Variants in NSUN2 observed in about 807,000 individuals in gnomAD.
NSUN2 encodes NOP2/Sun RNA methyltransferase 2.
In NSUN2, 63 loss-of-function variants were observed where a neutral mutation model predicts 92.7. That is an observed-to-expected ratio of 0.68 (90% CI 0.56 to 0.84). The LOEUF (loss-of-function observed/expected upper bound fraction) is 0.84, where lower values mean the gene tolerates loss of function less well. NSUN2 is among the 40% of genes least tolerant of loss of function. The pLI is 0.00. For missense variants in NSUN2, 989 were observed against 964.9 expected (o/e 1.02, Z -0.33); for synonymous variants, 356 against 348.3 (o/e 1.02, Z -0.25).
Position 6,623,281 on chromosome 5 carries a change from T to C in NSUN2, c.470A>G (p.Asn157Ser). 1 of 1,585,494 alleles carries C rather than the reference T, an allele frequency of 6.3e-7. No homozygotes were observed. The change falls in exon 5 of 19, where the codon AAT becomes AGT. Residue 157 changes from asparagine (N) to serine (S), a missense_variant. Around this residue, in one of 3 missense-constraint regions of NSUN2, gnomAD observed 356 missense variants for 338.6 expected, o/e 1.05. Coordinates refer to ENST00000264670, the MANE Select transcript of NSUN2 (RefSeq NM_017755.6). The part of the protein sequence containing the change: ...QFLVSETESG[N>S]ISRQEAVSMI... ...GCTAACAGCTTCTTGACGACTAATA[T>C]TTCCCTTGAGGAAAAAAAAAAAATC...
chr5:6,606,026 T>C (rs1429453296), intron 14 of NSUN2, among the ~76,000 whole-genome samples: 1 of 152,178 alleles, frequency 6.6e-6, no homozygotes, highest in African/African-American at 2.4e-5. Flanking sequence ...GGACCAGTTA[T>C]TAAAAAAGAC....
Position 6,620,187 on chromosome 5 carries a change from C to A in NSUN2, c.734G>T (p.Ser245Ile). The change falls in exon 7 of 19, where the codon AGC (serine) becomes ATC (isoleucine). Residue 245 changes from serine to isoleucine, a missense_variant. Coordinates refer to ENST00000264670, the MANE Select transcript of NSUN2 (RefSeq NM_017755.6). ...CACATCTATCTGGAGCCTGGGTATG[C>A]TGGAGGCATCATGGTTGACCACCAT... ...CIMVVNHDAS[S>I]IPRLQIDVDG... 1 of 1,613,056 alleles carries A rather than the reference C, an allele frequency of 6.2e-7. No individual in the cohort carries two copies. The highest frequency in any genetic ancestry group is 1.1e-5 in the South Asian group (1 of 90,818).
Position 6,632,697 on chromosome 5 carries a change from G to A in NSUN2, c.156C>T (p.Tyr52=), listed in dbSNP as rs1176520811. 2 of 1,614,030 alleles carry A rather than the reference G, an allele frequency of 1.2e-6. No individual in the cohort carries two copies. Among genetic ancestry groups the A allele is most frequent in the African/African-American group, 1.3e-5 (1 of 74,926 alleles). Residue 52 remains tyrosine (Y), a synonymous_variant, in exon 2 of 19, where the codon TAC becomes TAT. Transcript: ENST00000264670. ...CCTCGGGCACGATCTTGAGCTCCTG[G>A]TAGTAGTGCTCGAACAGCTTGTTCT... ...VKENKLFEHY[Y]QELKIVPEGE...
At chr5:6,604,326 AACG>A in intron 16 of NSUN2, 50 bp from the exon 17 acceptor site, 3 of 1,495,774 alleles carry the variant, frequency 2.0e-6, no homozygotes, top group South Asian at 1.2e-5. Flanking sequence ...GTCATTCATG[AACG>A]ACAACAGCCT....
chr5:6,611,083 T>C lies in NSUN2; in HGVS notation c.1098A>G (p.Val366=). The C allele has an allele frequency of 6.2e-7, 1 of 1,614,148 alleles. No individual in the cohort carries two copies. Among genetic ancestry groups the C allele is most frequent in the African/African-American group, 1.3e-5 (1 of 75,042 alleles). Residue 366 remains valine, a splice_region_variant and synonymous_variant, in exon 11 of 19, where the codon GTA becomes GTG. Coordinates refer to ENST00000264670, the MANE Select transcript of NSUN2 (RefSeq NM_017755.6). ...KWMPGITQWK[V]MTKDGQWFTD... ...TAAACCACTGCCCATCTTTCGTCAT[T>C]ACCTGCAGAACCACAGGGTACATTC...
At chr5:6,620,755 C>T (rs892107137) in intron 6 of NSUN2, 3 of 152,828 alleles carry the variant, frequency 2.0e-5, no homozygotes, top group African/African-American at 7.2e-5. Flanking sequence ...CCGGGAGGCT[C>T]TGCAGGCTGG....
At chr5:6,615,770 A>G (rs892368848) in intron 9 of NSUN2, among the ~76,000 whole-genome samples, 4 of 152,234 alleles carry the variant, frequency 2.6e-5, no homozygotes, top group Non-Finnish European at 5.9e-5. Flanking sequence ...TGCAGGAAAC[A>G]TGCTAAGTTT....
Position 6,631,967 on chromosome 5 carries a change from C to G in NSUN2, c.265G>C (p.Glu89Gln), listed in dbSNP as rs1161445921. The change falls in exon 3 of 19, where the codon GAG becomes CAG. Residue 89 changes from glutamate to glutamine, a missense_variant. Around this residue, in one of 3 missense-constraint regions of NSUN2, gnomAD observed 356 missense variants for 338.6 expected, o/e 1.05. Transcript: ENST00000264670. ...RITGYKSHAK[E>Q]ILHCLKNKYF... is the part of the protein sequence containing the mutation. The stretch of plus-strand genomic sequence containing the variant: ...TTGTTCTTTAAGCAATGGAGAATCT[C>G]TTTTGCGTGGCTATTGAAAAATAAG... 1.2e-6 allele frequency: 2 copies of G among 1,611,578 alleles called. No homozygotes were observed. Among genetic ancestry groups the G allele is most frequent in the Middle Eastern group, 1.7e-4 (1 of 6,054 alleles).
At position 6,617,978 on chromosome 5, in the gene NSUN2, T is replaced by C. The variant is rs373798103; in HGVS notation, c.862A>G (p.Thr288Ala). 3.7e-5 allele frequency: 59 copies of C among 1,613,720 alleles called. 1 individual carries two copies. Among genetic ancestry groups the C allele is most frequent in the Non-Finnish European group, 5.1e-6 (6 of 1,179,810 alleles). The change falls in exon 8 of 19, where the codon ACC (threonine) becomes GCC (alanine). Residue 288 changes from threonine (T) to alanine (A), a missense_variant. Transcript: ENST00000264670. ...TGTAGCTGCAAGCTATTTAAGGTGG[T>C]CCACTTTTTCCAAACATCAATGTTT... is the stretch of plus-strand genomic sequence containing the variant. ...RKNIDVWKKW[T>A]TLNSLQLHGL...
In NSUN2 at chr5:6,623,225, G is replaced by A. The variant is rs556024903; in HGVS notation, c.526C>T (p.Pro176Ser). The A allele has an allele frequency of 6.2e-7, 1 of 1,607,068 alleles. No homozygotes were observed. Among genetic ancestry groups the A allele is most frequent in the African/African-American group, 1.3e-5 (1 of 74,142 alleles). The change falls in exon 5 of 19, where the codon CCT (proline) becomes TCT (serine). Residue 176 changes from proline to serine, a missense_variant. Physicochemically the swap from Pro to Ser is moderately conservative, Grantham distance 74 (BLOSUM62 -1). Transcript: ENST00000264670. ...MIPPLLLNVR[P>S]HHKILDMCAA... ...TTGCTATATGCTACCTTATGATGAG[G>A]CCGCACGTTGAGGAGCAGTGGTGGG...
At chr5:6,609,279 G>C (rs1736897223) in intron 12 of NSUN2, among the ~76,000 whole-genome samples, 1 of 152,210 alleles carries the variant, frequency 6.6e-6, no homozygotes. Flanking sequence ...CTGCGTGTTA[G>C]GATGAGGGCA....
intron 14 of NSUN2, among the ~76,000 whole-genome samples, chr5:6,606,408 A>C (rs1424647721): frequency 6.6e-6 from 1 of 152,124 alleles, no homozygotes. Context: ...CTCAGCCTCC[A>C]GAGTAGCTGG....
intron 6 of NSUN2, 86 bp from the exon 7 acceptor site, chr5:6,620,384 G>A (rs576705886): frequency 6.8e-6 from 7 of 1,022,304 alleles, no homozygotes; most frequent in East Asian, 5.5e-5. Context: ...AGGTCAGCCA[G>A]TGAGAAGCAG....
At chr5:6,632,201 T>C (rs888612853) in intron 2 of NSUN2, among the ~76,000 whole-genome samples, 2 of 119,884 alleles carry the variant, frequency 1.7e-5, no homozygotes, top group African/African-American at 7.3e-5. Flanking sequence ...CCTAAGCATA[T>C]CCTACCGTTA....
intron 13 of NSUN2, 69 bp downstream of exon 13, chr5:6,607,131 A>T: frequency 6.6e-7 from 1 of 1,508,416 alleles, no homozygotes. Context: ...TGGCTCTGGG[A>T]TCCCATTTAA....
intron 15 of NSUN2, 36 bp downstream of exon 15, chr5:6,605,237 G>C (rs753431740): frequency 6.2e-7 from 1 of 1,609,562 alleles, no homozygotes; most frequent in East Asian, 2.2e-5. Context: ...CACGCATCCC[G>C]CATCACACAG....
chr5:6,609,001 C>T (rs147760175), intron 12 of NSUN2, among the ~76,000 whole-genome samples: 1 of 152,200 alleles, frequency 6.6e-6, no homozygotes, highest in African/African-American at 2.4e-5. Context: ...GTGCAGTCGC[C>T]CCCTTTGCCC....
At chr5:6,631,655 G>A (rs1409638645) in intron 3 of NSUN2, among the ~76,000 whole-genome samples, 1 of 152,238 alleles carries the variant, frequency 6.6e-6, no homozygotes, top group Non-Finnish European at 1.5e-5. Flanking sequence ...AGGAAGAGCT[G>A]GCTGAAATCA....
chr5:6,630,336 C>T (rs1052722324), intron 3 of NSUN2, among the ~76,000 whole-genome samples: 3 of 152,118 alleles, frequency 2.0e-5, no homozygotes, highest in Non-Finnish European at 4.4e-5. Context: ...GACATGGTCT[C>T]GCTCTGTGGC....
Sources: gnomAD v4.1 joint callset for allele counts (sites outside exome capture counted in the v4.1 genomes callset) on GRCh38, gnomAD v4.1.1 for gene constraint, gnomAD v4.1.1 regional missense constraint, MANE v1.5 for transcripts, NCBI Gene and HGNC (gene_info 2026-07-23, HGNC 2026-07-21) for gene names.